LRRC4C: variants seen among roughly 807,000 people sequenced by gnomAD.
The protein encoded by LRRC4C is leucine rich repeat containing 4C, also known as leucine-rich repeat-containing protein 4C.
In LRRC4C, 5 loss-of-function variants were observed where a neutral mutation model predicts 33.6. The observed-to-expected ratio is 0.15, with a 90% CI of 0.08 to 0.31. The LOEUF is 0.31. LRRC4C is among the 10% of genes least tolerant of loss of function. The pLI, the probability that LRRC4C is intolerant of heterozygous loss-of-function variation, is 1.00. For missense variants in LRRC4C, 560 were observed against 796.7 expected, an observed-to-expected ratio of 0.70 and a Z score of 3.58; for synonymous variants, 329 against 302.0, an observed-to-expected ratio of 1.09 and a Z score of -0.93.
intron 3 of LRRC4C, among the ~76,000 whole-genome samples, chr11:40,500,293 T>TATACACACACACACACAC (rs1394949843): frequency 1.0e-5 from 1 of 96,846 alleles, no homozygotes; most frequent in Non-Finnish European, 2.0e-5. Context: ...TATATATATA[T>TATACACACACACACACAC]ACACACACAC....
chr11:40,402,727 C>T (rs1368160023), intron 3 of LRRC4C, among the ~76,000 whole-genome samples: 1 of 152,026 alleles, frequency 6.6e-6, no homozygotes, highest in African/African-American at 2.4e-5. Flanking sequence ...AGAAGTAACC[C>T]TTTTTGAGAA....
intron 3 of LRRC4C, among the ~76,000 whole-genome samples, chr11:40,481,065 TAAA>T (rs199804804): frequency 7.3e-6 from 1 of 136,720 alleles, no homozygotes. Flanking sequence ...TTTACAACAG[TAAA>T]AAAAAAAAAA....
At chr11:40,873,760 T>C (rs1189284048) in intron 2 of LRRC4C, among the ~76,000 whole-genome samples, 1 of 152,212 alleles carries the variant, frequency 6.6e-6, no homozygotes, top group Non-Finnish European at 1.5e-5. Context: ...TCATTTCTTG[T>C]ATCACTGGCG....
At chr11:40,625,045 TTCAGAA>T (rs1962797905) in intron 3 of LRRC4C, among the ~76,000 whole-genome samples, 1 of 152,044 alleles carries the variant, frequency 6.6e-6, no homozygotes, top group Non-Finnish European at 1.5e-5. Flanking sequence ...TCATATAATA[TTCAGAA>T]TAATACTGTA....
chr11:40,151,387 T>C (rs1265998431), intron 5 of LRRC4C, among the ~76,000 whole-genome samples: 2 of 152,194 alleles, frequency 1.3e-5, no homozygotes, highest in African/African-American at 4.8e-5. Context: ...CCCAGTGGCA[T>C]GCATACACCC....
chr11:41,026,752 T>A (rs1320386372), intron 1 of LRRC4C, among the ~76,000 whole-genome samples: 2 of 151,290 alleles, frequency 1.3e-5, no homozygotes, highest in African/African-American at 4.8e-5. Context: ...CAAAAAAAGA[T>A]TATGACTTGC....
At chr11:41,287,961 G>A (rs78877655) in intron 1 of LRRC4C, among the ~76,000 whole-genome samples, 3,808 of 152,208 alleles carry the variant, frequency 0.025, 166 homozygotes, top group African/African-American at 0.087. Flanking sequence ...GCAATCTTCT[G>A]ATTGCATGGG....
At chr11:40,534,772 T>C (rs1200275745) in intron 3 of LRRC4C, among the ~76,000 whole-genome samples, 2 of 152,192 alleles carry the variant, frequency 1.3e-5, no homozygotes, top group African/African-American at 2.4e-5. Flanking sequence ...CCTTTTGGTT[T>C]TAGGGCAAAT....
intron 2 of LRRC4C, among the ~76,000 whole-genome samples, chr11:40,664,562 C>T (rs1943619143): frequency 6.6e-6 from 1 of 151,302 alleles, no homozygotes; most frequent in East Asian, 1.9e-4. Context: ...AATGTGAGAA[C>T]AAATTAGAAA....
chr11:40,659,099 G>T (rs777534787), intron 2 of LRRC4C, among the ~76,000 whole-genome samples: 26 of 152,206 alleles, frequency 1.7e-4, no homozygotes, highest in Non-Finnish European at 2.6e-4. Context: ...ACATCCATAG[G>T]CTTGGAAGAT....
At chr11:40,289,989 T>C (rs1944084536) in intron 4 of LRRC4C, among the ~76,000 whole-genome samples, 2 of 152,164 alleles carry the variant, frequency 1.3e-5, no homozygotes, top group Non-Finnish European at 2.9e-5. Context: ...GAGAGGAATG[T>C]GCTTTCAGAC....
At chr11:40,353,134 T>C (rs1947492122) in intron 3 of LRRC4C, among the ~76,000 whole-genome samples, 3 of 152,166 alleles carry the variant, frequency 2.0e-5, no homozygotes, top group African/African-American at 7.2e-5. Flanking sequence ...AGGTATAAGT[T>C]CTCTGTTATT....
intron 3 of LRRC4C, among the ~76,000 whole-genome samples, chr11:40,564,147 G>T (rs560324830): frequency 6.6e-6 from 1 of 152,276 alleles, no homozygotes; most frequent in African/African-American, 2.4e-5. Flanking sequence ...TGACTTGTGG[G>T]TACTTTCTTA....
intron 1 of LRRC4C, among the ~76,000 whole-genome samples, chr11:41,339,002 T>C (rs1951547082): frequency 6.6e-6 from 1 of 152,028 alleles, no homozygotes; most frequent in Non-Finnish European, 1.5e-5. Context: ...ACATAGAAAA[T>C]GCTGAACAAA....
At chr11:41,397,998 C>T (rs776267864) in intron 1 of LRRC4C, among the ~76,000 whole-genome samples, 16 of 151,938 alleles carry the variant, frequency 1.1e-4, no homozygotes, top group Non-Finnish European at 1.9e-4. Context: ...CAGCCTAATG[C>T]CTCCATGCCT....
intron 1 of LRRC4C, among the ~76,000 whole-genome samples, chr11:41,307,193 A>T (rs1198627206): frequency 1.3e-5 from 2 of 152,158 alleles, no homozygotes; most frequent in East Asian, 1.9e-4. Context: ...ATAACAACTC[A>T]ATTTTTTTTC....
At chr11:40,785,397 A>T (rs1242523605) in intron 2 of LRRC4C, among the ~76,000 whole-genome samples, 1 of 152,148 alleles carries the variant, frequency 6.6e-6, no homozygotes, top group African/African-American at 2.4e-5. Context: ...TTTGATTCTT[A>T]CTTTAAGTGA....
chr11:41,456,599 G>A (rs1016664339), intron 1 of LRRC4C, among the ~76,000 whole-genome samples: 5 of 152,086 alleles, frequency 3.3e-5, no homozygotes, highest in Admixed American at 3.3e-4. Context: ...TAAACTCAGA[G>A]AAACCCTTCA....
intron 3 of LRRC4C, among the ~76,000 whole-genome samples, chr11:40,537,213 G>A (rs72883481): frequency 0.088 from 13,365 of 152,172 alleles, 1,661 homozygotes; most frequent in African/African-American, 0.28. Flanking sequence ...CTCTGTCTCC[G>A]TAAGAAAAGA....
Sources: allele counts gnomAD v4.1 joint callset (sites outside exome capture counted in the v4.1 genomes callset), GRCh38; gene constraint gnomAD v4.1.1; transcripts MANE v1.5; gene names NCBI Gene and HGNC (gene_info 2026-07-23, HGNC 2026-07-21).